The following GPHN variants were observed in gnomAD, a reference collection of about 807,000 sequenced individuals.
GPHN encodes the protein gephyrin.
In GPHN, 17 loss-of-function variants were observed where a neutral mutation model predicts 95.5. The observed-to-expected ratio is 0.18, with a 90% CI of 0.12 to 0.27. The LOEUF (loss-of-function observed/expected upper bound fraction) is 0.27, where lower values mean the gene tolerates loss of function less well. Among genes scored for constraint, GPHN ranks in the 10% least tolerant of loss-of-function variants. The pLI, the probability that GPHN is intolerant of heterozygous loss-of-function variation, is 1.00. For missense variants in GPHN, 660 were observed against 978.1 expected, an observed-to-expected ratio of 0.67 and a Z score of 4.34; for synonymous variants, 320 against 322.5, an observed-to-expected ratio of 0.99 and a Z score of 0.08.
chr14:67,511,844 T>C, the GPHN span, among the ~76,000 whole-genome samples: 3 of 152,238 alleles, frequency 2.0e-5, no homozygotes, highest in Non-Finnish European at 4.4e-5. Flanking sequence ...GCCTGATGAA[T>C]GGGAAAACAG....
chr14:67,661,682 C>T, the GPHN span, among the ~76,000 whole-genome samples: 1 of 151,840 alleles, frequency 6.6e-6, no homozygotes, highest in Non-Finnish European at 1.5e-5. Context: ...GAGGCATGCA[C>T]CACCAAACCT....
At chr14:66,919,444 G>A (rs1343572281) in intron 6 of GPHN, among the ~76,000 whole-genome samples, 3 of 152,104 alleles carry the variant, frequency 2.0e-5, no homozygotes, top group East Asian at 1.9e-4. Context: ...CCAGTGGTGG[G>A]GTCACCGAAG....
At chr14:67,094,256 G>T (rs1240290892) in intron 12 of GPHN, among the ~76,000 whole-genome samples, 3 of 152,002 alleles carry the variant, frequency 2.0e-5, no homozygotes. Flanking sequence ...AATATAACCA[G>T]AAATCTTCAA....
At chr14:66,924,914 A>G (rs1218523062) in intron 8 of GPHN, among the ~76,000 whole-genome samples, 1 of 152,154 alleles carries the variant, frequency 6.6e-6, no homozygotes, top group African/African-American at 2.4e-5. Flanking sequence ...CATAAAAATC[A>G]TTAAACAGTG....
At chr14:67,729,312 G>C in the GPHN span, 11 of 1,600,908 alleles carry the variant, frequency 6.9e-6, no homozygotes, top group Non-Finnish European at 7.6e-6. Context: ...CGGCACGGGA[G>C]GGGGCGCAGA....
chr14:67,224,885 G>T, the GPHN span: 1 of 381,942 alleles, frequency 2.6e-6, no homozygotes, highest in East Asian at 5.6e-5. Flanking sequence ...TAAAAAAGGA[G>T]GGAGCCCTCT....
intron 3 of GPHN, among the ~76,000 whole-genome samples, chr14:66,785,005 G>T (rs7149711): frequency 0.25 from 38,366 of 152,124 alleles, 9,739 homozygotes; most frequent in African/African-American, 0.62. Context: ...GATGACATAA[G>T]TAGGTAGTAA....
At chr14:67,620,178 C>A in the GPHN span, 1 of 870,854 alleles carries the variant, frequency 1.1e-6, no homozygotes, top group Non-Finnish European at 1.7e-6. Context: ...GACCGGGAGG[C>A]GAGGAGAGGA....
the GPHN span, chr14:67,321,332 A>G: frequency 6.8e-7 from 1 of 1,481,070 alleles, no homozygotes; most frequent in Non-Finnish European, 9.4e-7. Context: ...TGGAAGCTAT[A>G]TTTTGGTCCA....
chr14:66,687,653 C>T (rs2067479384), intron 2 of GPHN, among the ~76,000 whole-genome samples: 3 of 151,864 alleles, frequency 2.0e-5, no homozygotes, highest in Admixed American at 6.6e-5. Flanking sequence ...CCATGCCCGG[C>T]TAATTTTGTG....
intron 4 of GPHN, among the ~76,000 whole-genome samples, chr14:66,847,809 T>C (rs2062398919): frequency 6.6e-6 from 1 of 151,956 alleles, no homozygotes; most frequent in Non-Finnish European, 1.5e-5. Flanking sequence ...ATAATAACAG[T>C]AGCAGGCACT....
intron 10 of GPHN, among the ~76,000 whole-genome samples, chr14:67,042,844 G>T (rs747662297): frequency 6.6e-6 from 1 of 152,018 alleles, no homozygotes; most frequent in Non-Finnish European, 1.5e-5. Context: ...TCATGATATT[G>T]GTTCTTCCTA....
At chr14:66,941,615 T>C (rs1439666242) in intron 8 of GPHN, among the ~76,000 whole-genome samples, 1 of 152,134 alleles carries the variant, frequency 6.6e-6, no homozygotes, top group South Asian at 2.1e-4. Flanking sequence ...CTCAATTGGC[T>C]TTTATGAGCT....
At chr14:67,722,097 G>C in the GPHN span, among the ~76,000 whole-genome samples, 1 of 152,126 alleles carries the variant, frequency 6.6e-6, no homozygotes, top group Non-Finnish European at 1.5e-5. Context: ...AGGAGTTCCA[G>C]TCATCTCCCT....
chr14:67,161,309 A>G (rs183274398), intron 19 of GPHN, among the ~76,000 whole-genome samples: 1 of 152,192 alleles, frequency 6.6e-6, no homozygotes, highest in Non-Finnish European at 1.5e-5. Context: ...GAAAAAAAGA[A>G]AAGAAAAGAA....
intron 8 of GPHN, among the ~76,000 whole-genome samples, chr14:66,953,997 T>G (rs2068306155): frequency 6.6e-6 from 1 of 151,368 alleles, no homozygotes. Context: ...ACGGTGCGAT[T>G]GCACGCGAGC....
intron 5 of GPHN, among the ~76,000 whole-genome samples, chr14:66,891,201 A>T (rs1002951057): frequency 6.6e-6 from 1 of 152,082 alleles, no homozygotes; most frequent in Admixed American, 6.6e-5. Context: ...ACACAAAACC[A>T]TTAGAACTAA....
chr14:67,703,311 T>C, the GPHN span, among the ~76,000 whole-genome samples: 7 of 152,244 alleles, frequency 4.6e-5, no homozygotes, highest in Non-Finnish European at 1.0e-4. Context: ...GGTAGTTCGA[T>C]GGCAGTTTTA....
the GPHN span, among the ~76,000 whole-genome samples, chr14:67,597,039 C>T: frequency 6.6e-6 from 1 of 152,190 alleles, no homozygotes; most frequent in Non-Finnish European, 1.5e-5. Flanking sequence ...GATCTGTAAA[C>T]TATTTGGGCC....
Sources: allele counts gnomAD v4.1 joint callset (sites outside exome capture counted in the v4.1 genomes callset), GRCh38; gene constraint gnomAD v4.1.1; transcripts MANE v1.5; gene names NCBI Gene and HGNC (gene_info 2026-07-23, HGNC 2026-07-21).